The following SGCZ variants were observed in gnomAD, a reference collection of about 807,000 sequenced individuals.
The protein encoded by SGCZ is sarcoglycan zeta.
A neutral mutation model predicts 41.3 loss-of-function variants in SGCZ; 40 were observed. The observed-to-expected ratio is 0.97, with a 90% CI of 0.75 to 1.26. The LOEUF (loss-of-function observed/expected upper bound fraction) is 1.26, where lower values mean the gene tolerates loss of function less well. Ranked by LOEUF, SGCZ falls within the 50% of genes most tolerant of loss-of-function variation. SGCZ has a pLI of 0.00. For missense variants in SGCZ, 552 were observed against 369.8 expected, an observed-to-expected ratio of 1.49 and a Z score of -4.04; for synonymous variants, 206 against 137.5, an observed-to-expected ratio of 1.50 and a Z score of -3.49.
At chr8:15,136,422 A>T (rs1299750322) in intron 1 of SGCZ, among the ~76,000 whole-genome samples, 1 of 151,660 alleles carries the variant, frequency 6.6e-6, no homozygotes, top group Non-Finnish European at 1.5e-5. Flanking sequence ...CAGATGACTT[A>T]TTTGAGTTGA....
At chr8:14,698,470 T>A (rs528208334) in intron 1 of SGCZ, among the ~76,000 whole-genome samples, 1 of 151,928 alleles carries the variant, frequency 6.6e-6, no homozygotes, top group South Asian at 2.1e-4. Context: ...GTATTAAAGA[T>A]CACATTATAA....
chr8:15,161,757 G>T (rs1171165477), intron 1 of SGCZ, among the ~76,000 whole-genome samples: 2 of 152,190 alleles, frequency 1.3e-5, no homozygotes, highest in Non-Finnish European at 1.5e-5. Flanking sequence ...AAAAGAGGCT[G>T]GGTGCCGTGG....
At chr8:14,312,141 A>G (rs772793237) in intron 3 of SGCZ, among the ~76,000 whole-genome samples, 6 of 152,152 alleles carry the variant, frequency 3.9e-5, no homozygotes, top group Non-Finnish European at 8.8e-5. Flanking sequence ...CTTTATACGT[A>G]TATGTATACA....
At chr8:14,961,201 T>G (rs573754616) in intron 1 of SGCZ, among the ~76,000 whole-genome samples, 3 of 152,082 alleles carry the variant, frequency 2.0e-5, no homozygotes, top group African/African-American at 7.2e-5. Context: ...CCCAGCTCCA[T>G]CATTTTCTTT....
chr8:14,134,850 G>T (rs1803148890), intron 5 of SGCZ, among the ~76,000 whole-genome samples: 1 of 128,212 alleles, frequency 7.8e-6, no homozygotes, highest in Non-Finnish European at 1.9e-5. Context: ...GCTCAGAATG[G>T]TTTTTACTGT....
intron 1 of SGCZ, among the ~76,000 whole-genome samples, chr8:14,681,534 C>A (rs10098099): frequency 0.43 from 65,941 of 152,026 alleles, 15,794 homozygotes; most frequent in Non-Finnish European, 0.56. Context: ...TTGCCTGGAT[C>A]ATGTTGCTCG....
At chr8:14,266,431 T>C (rs2117250179) in intron 3 of SGCZ, among the ~76,000 whole-genome samples, 1 of 152,092 alleles carries the variant, frequency 6.6e-6, no homozygotes, top group South Asian at 2.1e-4. Flanking sequence ...TTAAAAAGTG[T>C]TTTTCTCAAG....
chr8:14,852,470 G>A (rs1234712740), intron 1 of SGCZ, among the ~76,000 whole-genome samples: 2 of 152,164 alleles, frequency 1.3e-5, no homozygotes, highest in African/African-American at 2.4e-5. Context: ...ATATGTGATT[G>A]AGTAAAAGTC....
At chr8:14,639,575 G>A (rs1368094946) in intron 1 of SGCZ, among the ~76,000 whole-genome samples, 1 of 151,378 alleles carries the variant, frequency 6.6e-6, no homozygotes, top group East Asian at 2.0e-4. Context: ...TATAGTCTTG[G>A]GTAATCTTGA....
Position 14,671,522 on chromosome 8 carries a change from A to T in SGCZ, c.40-116596T>A, listed in dbSNP as rs143011608. 3.7e-3 allele frequency among the ~76,000 whole-genome samples: 568 copies of T among 152,322 alleles called. 8 individuals carry two copies. The highest frequency in any genetic ancestry group is 0.013 in the African/African-American group (550 of 41,578). On this transcript the variant is annotated intron_variant, in intron 1 of 7. Transcript: ENST00000382080. ...ACTGTAGGCTAGCACAAACACAATT[A>T]AATTTCAAGAAGGACTTATTTTGCA...
intron 1 of SGCZ, among the ~76,000 whole-genome samples, chr8:14,576,097 A>G (rs1804702809): frequency 6.6e-6 from 1 of 152,204 alleles, no homozygotes; most frequent in Admixed American, 6.5e-5. Flanking sequence ...CAATGCAAAT[A>G]CTAATGTATT....
intron 1 of SGCZ, among the ~76,000 whole-genome samples, chr8:15,035,051 CAGAAAACT>C (rs1279228697): frequency 6.6e-6 from 1 of 151,988 alleles, no homozygotes; most frequent in African/African-American, 2.4e-5. Context: ...TAGTCAAATT[CAGAAAACT>C]AGTAGTCTAC....
intron 1 of SGCZ, among the ~76,000 whole-genome samples, chr8:14,774,561 C>T (rs1212224917): frequency 6.6e-6 from 1 of 152,108 alleles, no homozygotes; most frequent in South Asian, 2.1e-4. Context: ...TTTATCAATC[C>T]TCATGGTATT....
At chr8:15,119,253 G>C (rs527712926) in intron 1 of SGCZ, among the ~76,000 whole-genome samples, 1 of 152,082 alleles carries the variant, frequency 6.6e-6, no homozygotes, top group African/African-American at 2.4e-5. Flanking sequence ...CCTCTTAGCG[G>C]GGTGCAGTGG....
At chr8:14,664,913 T>G (rs978975228) in intron 1 of SGCZ, among the ~76,000 whole-genome samples, 3 of 152,130 alleles carry the variant, frequency 2.0e-5, no homozygotes, top group Non-Finnish European at 2.9e-5. Flanking sequence ...TGAGACCAGG[T>G]CACCTCATTT....
intron 3 of SGCZ, among the ~76,000 whole-genome samples, chr8:14,250,537 C>T (rs1051715842): frequency 9.2e-5 from 14 of 152,120 alleles, no homozygotes; most frequent in Admixed American, 2.6e-4. Context: ...AGTGTGCTAG[C>T]CTCCCCACCT....
At chr8:14,896,628 C>G (rs1390391062) in intron 1 of SGCZ, among the ~76,000 whole-genome samples, 1 of 151,936 alleles carries the variant, frequency 6.6e-6, no homozygotes, top group East Asian at 1.9e-4. Flanking sequence ...AGGTGTCCTC[C>G]ACCACACCTG....
At chr8:14,362,718 C>A (rs1459098293) in intron 2 of SGCZ, among the ~76,000 whole-genome samples, 1 of 152,132 alleles carries the variant, frequency 6.6e-6, no homozygotes, top group Non-Finnish European at 1.5e-5. Context: ...ACCAACCAGT[C>A]CCAGTGAGGT....
At chr8:14,330,579 C>A (rs1027154136) in intron 2 of SGCZ, among the ~76,000 whole-genome samples, 1 of 151,744 alleles carries the variant, frequency 6.6e-6, no homozygotes, top group Admixed American at 6.6e-5. Context: ...TTTAAAGTGA[C>A]TGTTTAAATT....
Sources: allele counts gnomAD v4.1 joint callset (sites outside exome capture counted in the v4.1 genomes callset), GRCh38; gene constraint gnomAD v4.1.1; transcripts MANE v1.5; gene names NCBI Gene and HGNC (gene_info 2026-07-23, HGNC 2026-07-21).